The following GRIPAP1 variants were observed in gnomAD, a reference collection of about 807,000 sequenced individuals.
GRIPAP1 encodes GRIP1 associated protein 1.
In GRIPAP1, 14 loss-of-function variants were observed where a neutral mutation model predicts 84.1. That is an observed-to-expected ratio of 0.17 (90% CI 0.11 to 0.26). The LOEUF (loss-of-function observed/expected upper bound fraction) is 0.26, where lower values mean the gene tolerates loss of function less well. Among genes scored for constraint, GRIPAP1 ranks in the 10% least tolerant of loss-of-function variants. The pLI is 1.00. For synonymous variants in GRIPAP1, 261 were observed against 256.8 expected (o/e 1.02, Z -0.15); for missense variants, 518 against 674.2 (o/e 0.77, Z 2.57).
At position 48,985,316 on chromosome X, in the gene GRIPAP1, C is replaced by T; in HGVS notation, c.1128G>A (p.Glu376=). ...CTTTCTGTCCCATAAGGTCCTCGTA[C>T]TCAGCCTGCTGCTGCTGCAACTCAG... is the stretch of plus-strand genomic sequence containing the variant. ...LAAELQQQQA[E]YEDLMGQKDD... The change falls in exon 14 of 26, where the codon GAG becomes GAA. Residue 376 remains glutamate, a synonymous_variant. Transcript: ENST00000376423. 8.3e-7 allele frequency: 1 copy of T among 1,206,174 alleles called. No individual in the cohort carries two copies. The highest frequency in any genetic ancestry group is 1.1e-6 in the Non-Finnish European group (1 of 890,409).
Position 48,985,145 on chromosome X carries a change from T to A in GRIPAP1, c.1176+123A>T, listed in dbSNP as rs2064480296. The A allele has an allele frequency of 5.9e-6, 3 of 508,530 alleles. No homozygotes were observed. In the South Asian group the frequency reaches 1.0e-4, roughly 17 times the overall value. 41.9% of individuals were successfully genotyped at this position (508,530 alleles called of 1,213,427 possible). ...CCCAGAACACACAGGTGCTAATAAG[T>A]TAGGGAGCCAGACTGGAACCTAGGT... On this transcript the variant is annotated intron_variant, in intron 14 of 25. Transcript: ENST00000376423.
intron 13 of GRIPAP1, 81 bp from the exon 14 acceptor site, chrX:48,985,483 G>C (rs2064482115): frequency 8.3e-6 from 7 of 839,530 alleles, no homozygotes; most frequent in Non-Finnish European, 1.2e-5. Context: ...CCTAGTTCCA[G>C]GGAAACAGGG....
At chrX:48,990,770 G>T in intron 7 of GRIPAP1, 38 bp from the exon 8 acceptor site, 1 of 1,158,925 alleles carries the variant, frequency 8.6e-7, no homozygotes. Context: ...GTTGTTGTTA[G>T]CAAGGACAAG....
chrX:48,976,390 AG>A (rs2064422908), intron 22 of GRIPAP1, 27 bp from the exon 23 acceptor site: 1 of 1,185,797 alleles, frequency 8.4e-7, no homozygotes, highest in East Asian at 3.0e-5. Context: ...GGGAGAGGCC[AG>A]CCCCGGGCTC....
At chrX:48,982,850 G>C (rs1237993138) in intron 17 of GRIPAP1, 129 bp downstream of exon 17, 9 of 483,070 alleles carry the variant, frequency 1.9e-5, no homozygotes, top group Non-Finnish European at 3.0e-5. Context: ...TATTGAGCCA[G>C]GGGACTGTGG....
chrX:48,981,849 C>T lies in GRIPAP1; in HGVS notation c.1623G>A (p.Gln541=), dbSNP rs139214159. ...EAEESLQQQQ[Q]EQEEALKQCR... ...ACTGCTTGAGGGCTTCCTCTTGTTC[C>T]TGCTGCTGCTGCTGCAGGGATTCCT... Residue 541 remains glutamine (Q), a synonymous_variant, in exon 18 of 26, where the codon CAG becomes CAA. Transcript: ENST00000376423. 8.9e-7 allele frequency: 1 copy of T among 1,122,295 alleles called. No homozygotes were observed. The highest frequency in any genetic ancestry group is 1.8e-5 in the African/African-American group (1 of 55,455). The allele number at this position is 1,122,295 out of a possible 1,213,427, so 92.5% of individuals were successfully genotyped here.
rs1557066034 is a variant in GRIPAP1 at position 48,993,441 on chromosome X, C to G, written c.444G>C (p.Gln148His). ...GCCTCTATGCACCTGCCACGTTCTT[C>G]TGCAAGGCTGTGTTTTCAGCCTGTA... ...LRLQAENTAL[Q>H]KNVAALQERY... The change falls in exon 6 of 26, where the codon CAG becomes CAC. Residue 148 changes from glutamine (Q) to histidine (H), a missense_variant. Gln to His is a conservative substitution (Grantham distance 24, BLOSUM62 0). Around this residue, in one of 5 missense-constraint regions of GRIPAP1, gnomAD observed 372 missense variants for 458.1 expected, o/e 0.81. Transcript: ENST00000376423. 1.7e-6 allele frequency: 2 copies of G among 1,166,251 alleles called. No homozygotes were observed. Among genetic ancestry groups the G allele is most frequent in the East Asian group, 6.5e-5 (2 of 30,817 alleles).
intron 6 of GRIPAP1, among the ~76,000 whole-genome samples, chrX:48,992,149 G>A (rs918915813): frequency 5.4e-5 from 6 of 111,003 alleles, no homozygotes; most frequent in Non-Finnish European, 1.1e-4. Flanking sequence ...GGAATTACAG[G>A]CATTTGCCAT....
intron 1 of GRIPAP1, among the ~76,000 whole-genome samples, chrX:49,001,436 C>T (rs1239022193): frequency 5.7e-5 from 6 of 105,368 alleles, no homozygotes; most frequent in Admixed American, 4.1e-4. Flanking sequence ...ATCTCAGAGT[C>T]CCCCCAAAAG....
chrX:48,979,325 A>C (rs1015877767), intron 21 of GRIPAP1, among the ~76,000 whole-genome samples: 27 of 105,468 alleles, frequency 2.6e-4, no homozygotes, highest in Non-Finnish European at 4.9e-4. Flanking sequence ...AAAATACAAA[A>C]AATTAGGTGG....
At position 48,979,478 on chromosome X, in the gene GRIPAP1, CAAAAAAA is replaced by C. The variant is rs2064442674; in HGVS notation, c.1931-1050_1931-1044del. The stretch of plus-strand genomic sequence containing the variant: ...GGCGACAGAGCGAGACTCCGTCTAA[CAAAAAAA>C]AAAAAAAAAAAAAAAAAGAAATGCA... On this transcript the variant is annotated intron_variant, in intron 21 of 25. Coordinates refer to ENST00000376423, the MANE Select transcript of GRIPAP1 (RefSeq NM_020137.5). Among the ~76,000 whole-genome samples, 22 of 3,675 alleles carry C rather than the reference CAAAAAAA, an allele frequency of 6.0e-3. 1 individual carries two copies. In the East Asian group the frequency reaches 0.077, roughly 13 times the overall value. 3.2% of individuals were successfully genotyped at this position (3,675 alleles called of 115,157 possible). A position where few individuals can be genotyped will look rare whatever the true frequency, so the allele number is the denominator to read the frequency against.
intron 21 of GRIPAP1, among the ~76,000 whole-genome samples, chrX:48,980,283 C>A (rs1381063944): frequency 9.5e-6 from 1 of 104,874 alleles, no homozygotes. Flanking sequence ...CTTGAAGTGG[C>A]AGAAATAACA....
chrX:48,983,480 C>A (rs1557062857), intron 15 of GRIPAP1, 40 bp from the exon 16 acceptor site: 1 of 1,128,119 alleles, frequency 8.9e-7, no homozygotes, highest in Non-Finnish European at 1.2e-6. Context: ...CCTTCCACAA[C>A]ATCGAAAAAA....
chrX:48,998,269 G>T, intron 3 of GRIPAP1, 89 bp from the exon 4 acceptor site: 1 of 624,514 alleles, frequency 1.6e-6, no homozygotes, highest in Non-Finnish European at 2.6e-6. Context: ...CAAGCGTTTT[G>T]GGAGGACAAG....
intron 22 of GRIPAP1, 108 bp from the exon 23 acceptor site, chrX:48,976,471 A>T: frequency 1.1e-6 from 1 of 945,099 alleles, no homozygotes; most frequent in Non-Finnish European, 1.4e-6. Flanking sequence ...GTGAGAGAAC[A>T]TGGGCCCTGA....
intron 21 of GRIPAP1, among the ~76,000 whole-genome samples, chrX:48,980,541 G>A (rs782210987): frequency 9.0e-6 from 1 of 110,844 alleles, no homozygotes; most frequent in East Asian, 2.8e-4. Context: ...ATAAACAGAA[G>A]AGACGAAGAG....
At chrX:48,991,441 G>A in intron 6 of GRIPAP1, 1 of 200,362 alleles carries the variant, frequency 5.0e-6, no homozygotes, top group Non-Finnish European at 9.1e-6. Flanking sequence ...CATCATGCCG[G>A]GCTAATTTTT....
Position 48,989,715 on chromosome X carries a change from G to A in GRIPAP1, c.771-5C>T, listed in dbSNP as rs2064510056. 1 of 1,151,835 alleles carries A rather than the reference G, an allele frequency of 8.7e-7. No homozygotes were observed. Among genetic ancestry groups the A allele is most frequent in the African/African-American group, 1.8e-5 (1 of 56,130 alleles). 94.9% of individuals were successfully genotyped at this position (1,151,835 alleles called of 1,213,427 possible). On this transcript the variant is annotated splice_polypyrimidine_tract_variant and splice_region_variant and intron_variant, in intron 10 of 25. Coordinates refer to ENST00000376423, the MANE Select transcript of GRIPAP1 (RefSeq NM_020137.5). ...TGTAATTCCTCAATCTTGTTCCTAG[G>A]AGTGATGGGGAGGGGGTGTGTTGGA...
intron 13 of GRIPAP1, among the ~76,000 whole-genome samples, chrX:48,986,576 G>A (rs1427265660): frequency 9.2e-6 from 1 of 108,581 alleles, no homozygotes; most frequent in African/African-American, 3.4e-5. Flanking sequence ...TGTATTTTTA[G>A]TAGAGACGGG....
Sources: allele counts gnomAD v4.1 joint callset (sites outside exome capture counted in the v4.1 genomes callset), GRCh38; gene constraint gnomAD v4.1.1; regional missense constraint gnomAD v4.1.1; transcripts MANE v1.5; gene names NCBI Gene and HGNC (gene_info 2026-07-23, HGNC 2026-07-21).